The following TDRD9 variants were observed in gnomAD, a reference collection of about 807,000 sequenced individuals.
TDRD9 encodes ATP-dependent RNA helicase TDRD9.
In TDRD9, 124 loss-of-function variants were observed where a neutral mutation model predicts 172.6. The observed-to-expected ratio is 0.72, with a 90% CI of 0.62 to 0.83. The LOEUF (loss-of-function observed/expected upper bound fraction) is 0.83. TDRD9 is among the 40% of genes least tolerant of loss of function. The pLI is 0.00. For synonymous variants in TDRD9, 619 were observed against 617.1 expected (o/e 1.00, Z -0.05); for missense variants, 1,479 against 1,714.1 (o/e 0.86, Z 2.42).
chr14:103,935,685 G>C (rs2030712600), intron 1 of TDRD9, among the ~76,000 whole-genome samples: 1 of 152,036 alleles, frequency 6.6e-6, no homozygotes, highest in South Asian at 2.1e-4. Flanking sequence ...CACCTGGGGT[G>C]CTTCAGTGTT....
At position 104,024,688 on chromosome 14, in the gene TDRD9, T is replaced by A; in HGVS notation, c.2718+8T>A. ...ACTATTGATGTCACAGAGGTAAGGA[T>A]GAAGTAATTGAGCTTTTCCTTCTTC... On this transcript the variant is annotated splice_region_variant and intron_variant, in intron 25 of 35. Transcript: ENST00000409874. The A allele has an allele frequency of 6.6e-7, 1 of 1,504,600 alleles. No homozygotes were observed. The highest frequency in any genetic ancestry group is 9.2e-7 in the Non-Finnish European group (1 of 1,086,888). 93.2% of individuals were successfully genotyped at this position (1,504,600 alleles called of 1,614,324 possible). A position where few individuals can be genotyped will look rare whatever the true frequency, so the allele number is the denominator to read the frequency against.
intron 2 of TDRD9, among the ~76,000 whole-genome samples, chr14:103,960,760 G>A (rs1392466737): frequency 1.3e-5 from 2 of 152,170 alleles, no homozygotes; most frequent in Non-Finnish European, 2.9e-5. Flanking sequence ...AGACAGTACC[G>A]TTAGGACTTC....
chr14:103,993,036 C>A (rs974598389), intron 9 of TDRD9, among the ~76,000 whole-genome samples: 6 of 151,670 alleles, frequency 4.0e-5, no homozygotes, highest in Non-Finnish European at 7.4e-5. Flanking sequence ...AGTGGTGTGA[C>A]CCCGATCACT....
At chr14:103,969,670 G>C (rs1414401673) in intron 5 of TDRD9, among the ~76,000 whole-genome samples, 1 of 152,186 alleles carries the variant, frequency 6.6e-6, no homozygotes, top group Non-Finnish European at 1.5e-5. Context: ...TTGAAACTTA[G>C]TAATTATCTC....
At chr14:104,004,800 A>G (rs2034382295) in intron 14 of TDRD9, among the ~76,000 whole-genome samples, 2 of 152,308 alleles carry the variant, frequency 1.3e-5, no homozygotes, top group Admixed American at 1.3e-4. Flanking sequence ...GCTACTGTCT[A>G]GGGCGTTACC....
At chr14:104,035,835 T>C in intron 32 of TDRD9, among the ~76,000 whole-genome samples, 1 of 152,024 alleles carries the variant, frequency 6.6e-6, no homozygotes, top group Admixed American at 6.5e-5. Flanking sequence ...TTTCTTCTTT[T>C]CTAGTCAGCT....
rs1566738502 is a variant in TDRD9 at position 103,956,149 on chromosome 14, T to TATAA, written c.322+380_322+381insTAAA. On this transcript the variant is annotated intron_variant, in intron 2 of 35. Coordinates refer to ENST00000409874, the MANE Select transcript of TDRD9 (RefSeq NM_153046.3). The stretch of plus-strand genomic sequence containing the variant: ...ATATATATATATATATATATATATA[T>TATAA]AATTATTAGGCCAGGCGCAGTGGCT... 1.7e-4 allele frequency among the ~76,000 whole-genome samples: 17 copies of TATAA among 102,070 alleles called. 1 individual carries two copies. The South Asian group carries it at 2.9e-3, about 17-fold the overall frequency. 67.0% of individuals were successfully genotyped at this position (102,070 alleles called of 152,430 possible).
At chr14:103,987,565 A>G (rs917101538) in intron 8 of TDRD9, among the ~76,000 whole-genome samples, 1 of 151,576 alleles carries the variant, frequency 6.6e-6, no homozygotes, top group Non-Finnish European at 1.5e-5. Context: ...ATTTCCCCCA[A>G]TTTTTCCTGT....
At chr14:104,023,710 C>G (rs2035032961) in intron 24 of TDRD9, among the ~76,000 whole-genome samples, 1 of 152,218 alleles carries the variant, frequency 6.6e-6, no homozygotes, top group African/African-American at 2.4e-5. Context: ...GTTTTCAGTT[C>G]TGGGAGGAAC....
At chr14:104,049,948 C>G (rs1421382088) in intron 35 of TDRD9, 3 of 403,652 alleles carry the variant, frequency 7.4e-6, no homozygotes, top group Non-Finnish European at 1.3e-5. Context: ...GTATGAGGGT[C>G]TGGATTGAAC....
intron 7 of TDRD9, among the ~76,000 whole-genome samples, chr14:103,984,384 C>T (rs1256408233): frequency 1.3e-5 from 2 of 152,180 alleles, no homozygotes; most frequent in South Asian, 2.1e-4. Context: ...GCTTAGGGCC[C>T]CCGTGCTGTG....
At chr14:103,965,246 A>G in intron 3 of TDRD9, 87 bp from the exon 4 acceptor site, 1 of 1,320,520 alleles carries the variant, frequency 7.6e-7, no homozygotes. Context: ...GATGAAAGAA[A>G]AATAAATCCT....
intron 6 of TDRD9, 111 bp from the exon 7 acceptor site, chr14:103,975,278 T>G (rs1034175385): frequency 9.9e-7 from 1 of 1,015,066 alleles, no homozygotes; most frequent in African/African-American, 1.6e-5. Flanking sequence ...GTTTAAAGTC[T>G]CAAAAGTTGT....
At chr14:103,956,660 ACTTT>A (rs1345748333) in intron 2 of TDRD9, among the ~76,000 whole-genome samples, 20 of 122,632 alleles carry the variant, frequency 1.6e-4, no homozygotes, top group African/African-American at 5.4e-4. Flanking sequence ...AATTAAAACT[ACTTT>A]TTTTTTTTTA....
chr14:103,933,996 C>T (rs2030576842), intron 1 of TDRD9, among the ~76,000 whole-genome samples: 1 of 152,094 alleles, frequency 6.6e-6, no homozygotes, highest in African/African-American at 2.4e-5. Context: ...TGTAACTCTC[C>T]AAGAATTCCT....
chr14:104,041,385 T>C (rs2035607299), intron 33 of TDRD9, among the ~76,000 whole-genome samples: 1 of 152,192 alleles, frequency 6.6e-6, no homozygotes, highest in African/African-American at 2.4e-5. Context: ...TTTGAATTTA[T>C]CAAAATTAAA....
At chr14:103,953,084 C>G (rs1344958938) in intron 1 of TDRD9, among the ~76,000 whole-genome samples, 1 of 152,150 alleles carries the variant, frequency 6.6e-6, no homozygotes, top group African/African-American at 2.4e-5. Context: ...AGATGATCAC[C>G]TGCTCCCCTT....
chr14:103,970,505 T>C, intron 5 of TDRD9, 36 bp from the exon 6 acceptor site: 1 of 1,487,990 alleles, frequency 6.7e-7, no homozygotes. Flanking sequence ...TGTTGCCTGA[T>C]GCCATGTGGG....
chr14:103,953,992 G>A (rs2032074845), intron 1 of TDRD9, among the ~76,000 whole-genome samples: 1 of 152,112 alleles, frequency 6.6e-6, no homozygotes, highest in African/African-American at 2.4e-5. Context: ...GCCCAGTCAA[G>A]TTGACATAAA....
Sources: gnomAD v4.1 joint callset for allele counts (sites outside exome capture counted in the v4.1 genomes callset) on GRCh38, gnomAD v4.1.1 for gene constraint, MANE v1.5 for transcripts, NCBI Gene and HGNC (gene_info 2026-07-23, HGNC 2026-07-21) for gene names.